WASHC5: variants seen among roughly 807,000 people sequenced by gnomAD.
WASHC5 encodes WASH complex subunit 5, also known as WASH complex subunit strumpellin.
Under a neutral mutation model 150.4 loss-of-function variants are expected in WASHC5, and 101 were observed. The observed-to-expected ratio is 0.67, with a 90% CI of 0.57 to 0.79. The LOEUF is 0.79. Among genes scored for constraint, WASHC5 ranks in the 30% least tolerant of loss-of-function variants. WASHC5 has a pLI of 0.00. For synonymous variants in WASHC5, 467 were observed against 491.2 expected (o/e 0.95, Z 0.65); for missense variants, 1,195 against 1,396.3 (o/e 0.86, Z 2.30).
intron 5 of WASHC5, among the ~76,000 whole-genome samples, chr8:125,080,370 A>G (rs1455366530): frequency 1.3e-5 from 2 of 152,210 alleles, no homozygotes; most frequent in African/African-American, 4.8e-5. Flanking sequence ...AAAAACATGG[A>G]TGTTAAAACA....
At chr8:125,058,564 T>C (rs1207491161) in intron 14 of WASHC5, among the ~76,000 whole-genome samples, 2 of 152,084 alleles carry the variant, frequency 1.3e-5, no homozygotes, top group African/African-American at 4.8e-5. Context: ...CTGGTCAACA[T>C]GGTGAAACCC....
intron 14 of WASHC5, among the ~76,000 whole-genome samples, chr8:125,058,469 G>A (rs899217384): frequency 6.6e-6 from 1 of 151,972 alleles, no homozygotes; most frequent in Non-Finnish European, 1.5e-5. Context: ...TGAGTAGGCT[G>A]GGCGTGGGGG....
intron 1 of WASHC5, among the ~76,000 whole-genome samples, chr8:125,089,830 G>A (rs12550607): frequency 0.31 from 47,792 of 152,066 alleles, 8,938 homozygotes; most frequent in African/African-American, 0.5. Flanking sequence ...AGAACATGAG[G>A]AGGATAATAA....
intron 19 of WASHC5, among the ~76,000 whole-genome samples, chr8:125,048,510 G>T (rs1041198428): frequency 4.6e-5 from 7 of 152,176 alleles, no homozygotes; most frequent in African/African-American, 7.2e-5. Flanking sequence ...GTGCACTAGG[G>T]TGACTATAAT....
intron 1 of WASHC5, among the ~76,000 whole-genome samples, chr8:125,088,245 G>GCCAAC (rs1256236084): frequency 0.026 from 4,000 of 151,682 alleles, 195 homozygotes; most frequent in African/African-American, 0.093. Flanking sequence ...GGAGAGCCGG[G>GCCAAC]ATCACCCCGG....
In WASHC5 at chr8:125,083,160, A is replaced by G. The variant is rs771485511; in HGVS notation, c.285T>C (p.Phe95=). 25 of 1,582,136 alleles carry G rather than the reference A, an allele frequency of 1.6e-5. No individual in the cohort carries two copies. Among genetic ancestry groups the G allele is most frequent in the Non-Finnish European group, 8.7e-7 (1 of 1,151,568 alleles). ...RENNIEIVTR[F]YLAFQSVHKY... ...TATGTACACTTTGAAATGCTAAATAAAATCTGGTCACAATTTCTATGTTGT... is the reference window on the plus strand; with the variant it reads ...TATGTACACTTTGAAATGCTAAATAGAATCTGGTCACAATTTCTATGTTGT... The change falls in exon 3 of 29, where the codon TTT becomes TTC. Residue 95 remains phenylalanine, a synonymous_variant. Transcript: ENST00000318410.
At chr8:125,063,489 C>G (rs758950033) in intron 11 of WASHC5, 33 bp downstream of exon 11, 2 of 1,611,178 alleles carry the variant, frequency 1.2e-6, no homozygotes, top group Non-Finnish European at 1.7e-6. Flanking sequence ...GCACACATTC[C>G]AAACACACCA....
At chr8:125,040,572 G>C (rs1815856614) in intron 23 of WASHC5, 1 of 153,320 alleles carries the variant, frequency 6.5e-6, no homozygotes. Flanking sequence ...GAGGGACCCA[G>C]TGGGAGGTAA....
At chr8:125,034,084 C>A (rs867208396) in intron 26 of WASHC5, among the ~76,000 whole-genome samples, 8 of 151,986 alleles carry the variant, frequency 5.3e-5, no homozygotes, top group Non-Finnish European at 1.0e-4. Flanking sequence ...AAGACTAGAA[C>A]AGGCACTTCG....
chr8:125,068,439 T>C (rs1554595471), intron 9 of WASHC5, among the ~76,000 whole-genome samples: 1 of 152,238 alleles, frequency 6.6e-6, no homozygotes, highest in Non-Finnish European at 1.5e-5. Flanking sequence ...AAGTGTGCCC[T>C]GTGGGACTCC....
intron 27 of WASHC5, among the ~76,000 whole-genome samples, chr8:125,029,890 C>A (rs1476520618): frequency 6.6e-6 from 1 of 152,140 alleles, no homozygotes; most frequent in Non-Finnish European, 1.5e-5. Context: ...ATGACTGTAC[C>A]TGGAAAAATT....
chr8:125,062,285 T>A (rs1191309658), intron 11 of WASHC5, among the ~76,000 whole-genome samples: 1 of 152,196 alleles, frequency 6.6e-6, no homozygotes, highest in Non-Finnish European at 1.5e-5. Flanking sequence ...AAGATGTGTA[T>A]CTTACAGGGT....
chr8:125,071,045 T>C (rs1816883344), intron 9 of WASHC5, among the ~76,000 whole-genome samples: 1 of 152,194 alleles, frequency 6.6e-6, no homozygotes, highest in African/African-American at 2.4e-5. Flanking sequence ...GCACAGTTTT[T>C]TAAAGAGACA....
intron 20 of WASHC5, chr8:125,044,904 T>C: frequency 1.6e-6 from 1 of 617,774 alleles, no homozygotes; most frequent in South Asian, 1.8e-5. Flanking sequence ...TGACCCCCTT[T>C]TCCTGCCCTA....
In WASHC5 at chr8:125,064,679, A is replaced by G. The variant is rs373464013; in HGVS notation, c.1279-1028T>C. ...ACTAAAGGACACGCCATCTCAGACA[A>G]GGGTAGATGGTCTTTTACACCGGGC... On this transcript the variant is annotated intron_variant, in intron 10 of 28. Coordinates refer to ENST00000318410, the MANE Select transcript of WASHC5 (RefSeq NM_014846.4). Among the ~76,000 whole-genome samples, 210 of 152,238 alleles carry G rather than the reference A, an allele frequency of 1.4e-3. 2 individuals are homozygous for G. The highest frequency in any genetic ancestry group is 4.8e-3 in the African/African-American group (199 of 41,546).
At chr8:125,026,815 C>A (rs1480764727) in intron 28 of WASHC5, among the ~76,000 whole-genome samples, 1 of 151,964 alleles carries the variant, frequency 6.6e-6, no homozygotes, top group Non-Finnish European at 1.5e-5. Flanking sequence ...TGTTTTAATA[C>A]TTGATATAAT....
At chr8:125,057,814 C>T (rs182089729) in intron 14 of WASHC5, 148 bp from the exon 15 acceptor site, 78 of 636,802 alleles carry the variant, frequency 1.2e-4, no homozygotes, top group Admixed American at 4.9e-4. Flanking sequence ...TTTTGAAAAA[C>T]CCAAGTTAAC....
chr8:125,062,206 C>G (rs1202970851), intron 11 of WASHC5, among the ~76,000 whole-genome samples: 1 of 152,064 alleles, frequency 6.6e-6, no homozygotes, highest in Admixed American at 6.6e-5. Flanking sequence ...CCCAGGCTCT[C>G]CACCTTTGTA....
chr8:125,040,554 T>C (rs1219857030), intron 23 of WASHC5: 1 of 154,720 alleles, frequency 6.5e-6, no homozygotes, highest in African/African-American at 2.4e-5. Context: ...AATCCCCATG[T>C]GTCATGGGAG....
Sources: allele counts gnomAD v4.1 joint callset (sites outside exome capture counted in the v4.1 genomes callset), GRCh38; gene constraint gnomAD v4.1.1; transcripts MANE v1.5; gene names NCBI Gene and HGNC (gene_info 2026-07-23, HGNC 2026-07-21).